LAMC1: variants seen among roughly 807,000 people sequenced by gnomAD.
LAMC1 encodes laminin subunit gamma 1, also known as laminin subunit gamma-1.
In LAMC1, 38 loss-of-function variants were observed where a neutral mutation model predicts 173.6. The ratio of observed to expected loss-of-function variants is 0.22; its 90% CI spans 0.17 to 0.29. The LOEUF (loss-of-function observed/expected upper bound fraction) is 0.29, where lower values mean the gene tolerates loss of function less well. Among genes scored for constraint, LAMC1 ranks in the 10% least tolerant of loss-of-function variants. LAMC1 has a pLI of 1.00. For synonymous variants in LAMC1, 746 were observed against 749.1 expected (o/e 1.00, Z 0.07); for missense variants, 1,824 against 2,051.8 (o/e 0.89, Z 2.14).
chr1:183,128,772 A>G, intron 18 of LAMC1, 22 bp downstream of exon 18: 2 of 1,569,068 alleles, frequency 1.3e-6, no homozygotes, highest in South Asian at 1.2e-5. Context: ...TGAACAGTGC[A>G]TGACTTCTGT....
chr1:183,023,777 C>G lies in LAMC1; in HGVS notation c.61C>G (p.Leu21Val). The G allele has an allele frequency of 1.4e-6, 2 of 1,456,050 alleles. No homozygotes were observed. The highest frequency in any genetic ancestry group is 2.6e-5 in the East Asian group (1 of 38,820). The allele number at this position is 1,456,050 out of a possible 1,614,324, so 90.2% of individuals were successfully genotyped here. A position where few individuals can be genotyped will look rare whatever the true frequency, so the allele number is the denominator to read the frequency against. The change falls in exon 1 of 28, where the codon CTG (leucine) becomes GTG (valine). Residue 21 changes from leucine (L) to valine (V), a missense_variant. Physicochemically the swap from Leu to Val is conservative, Grantham distance 32. Coordinates refer to ENST00000258341, the MANE Select transcript of LAMC1 (RefSeq NM_002293.4). Reference sequence around the variant, plus strand: ...GCCCCGGGGGCGGCTCTGGCCCGTGCTGGCCGTGCTGGCGGCGGCCGCCGC... The same window carrying G: ...GCCCCGGGGGCGGCTCTGGCCCGTGGTGGCCGTGCTGGCGGCGGCCGCCGC... The part of the protein sequence containing the change: ...LRPRGRLWPV[L>V]AVLAAAAAAG...
At chr1:183,099,118 TC>T (rs1655768442) in intron 1 of LAMC1, among the ~76,000 whole-genome samples, 2 of 152,084 alleles carry the variant, frequency 1.3e-5, no homozygotes, top group Admixed American at 1.3e-4. Flanking sequence ...AAAGGGAGTC[TC>T]GCTGTGTTGC....
chr1:183,074,886 A>T (rs1655088321), intron 1 of LAMC1, among the ~76,000 whole-genome samples: 1 of 152,118 alleles, frequency 6.6e-6, no homozygotes, highest in African/African-American at 2.4e-5. Context: ...TCTTCCATTT[A>T]TCTACCTTGG....
Position 183,134,735 on chromosome 1 carries a change from G to A in LAMC1, c.3925G>A (p.Asp1309Asn). The A allele has an allele frequency of 6.2e-7, 1 of 1,612,570 alleles. No homozygotes were observed. Among genetic ancestry groups the A allele is most frequent in the Non-Finnish European group, 8.5e-7 (1 of 1,178,656 alleles). The change falls in exon 23 of 28, where the codon GAC (aspartate) becomes AAC (asparagine). Residue 1309 changes from aspartate (D) to asparagine (N), a missense_variant. Transcript: ENST00000258341. ...TGACCAGAAATTAAAAGATTATGAGGACCTCAGAGAAGATATGAGAGGGAA... is the reference window on the plus strand; with the variant it reads ...TGACCAGAAATTAAAAGATTATGAGAACCTCAGAGAAGATATGAGAGGGAA... The part of the protein sequence containing the change: ...LIDQKLKDYE[D>N]LREDMRGKEL...
intron 1 of LAMC1, among the ~76,000 whole-genome samples, chr1:183,047,667 A>G (rs1049876408): frequency 6.6e-6 from 1 of 152,188 alleles, no homozygotes; most frequent in African/African-American, 2.4e-5. Context: ...GTAGTTCTCA[A>G]ATGAGTGTGG....
rs80265264 is a variant in LAMC1 at position 183,083,403 on chromosome 1, C to T, written c.419-19925C>T. The stretch of plus-strand genomic sequence containing the variant: ...AGAAACAGTAAGAATCACACCGGAA[C>T]GAGTTGCCAGCCAGCTGCCCATATA... On this transcript the variant is annotated intron_variant, in intron 1 of 27. Transcript: ENST00000258341. Among the ~76,000 whole-genome samples, 465 of 152,126 alleles carry T rather than the reference C, an allele frequency of 3.1e-3. 3 individuals are homozygous for T. Among genetic ancestry groups the T allele is most frequent in the Non-Finnish European group, 5.7e-3 (388 of 68,012 alleles).
chr1:183,120,448 C>T (rs1051470711), intron 11 of LAMC1, among the ~76,000 whole-genome samples: 1 of 152,118 alleles, frequency 6.6e-6, no homozygotes, highest in Non-Finnish European at 1.5e-5. Flanking sequence ...TGTAAACATA[C>T]TAAAAGTAGT....
intron 2 of LAMC1, 146 bp from the exon 3 acceptor site, chr1:183,108,130 A>C: frequency 1.5e-6 from 1 of 658,736 alleles, no homozygotes; most frequent in South Asian, 1.8e-5. Flanking sequence ...AAATTAAAGA[A>C]GTCATTGAGT....
chr1:183,093,576 C>T (rs1258083399), intron 1 of LAMC1, among the ~76,000 whole-genome samples: 1 of 152,144 alleles, frequency 6.6e-6, no homozygotes, highest in Non-Finnish European at 1.5e-5. Context: ...AATCCCATGG[C>T]TTTGAATACT....
chr1:183,036,505 C>T (rs982990393), intron 1 of LAMC1, among the ~76,000 whole-genome samples: 3 of 144,320 alleles, frequency 2.1e-5, no homozygotes, highest in Non-Finnish European at 4.5e-5. Flanking sequence ...TGGGTTCAAG[C>T]GATTCTCCTG....
At chr1:183,053,086 T>C (rs1654478291) in intron 1 of LAMC1, among the ~76,000 whole-genome samples, 1 of 152,216 alleles carries the variant, frequency 6.6e-6, no homozygotes, top group Non-Finnish European at 1.5e-5. Context: ...AGATCCGTCA[T>C]TCTGAATTTA....
intron 26 of LAMC1, among the ~76,000 whole-genome samples, chr1:183,139,919 A>G (rs1657058138): frequency 6.6e-6 from 1 of 152,090 alleles, no homozygotes; most frequent in Non-Finnish European, 1.5e-5. Flanking sequence ...ACAGAAGAGA[A>G]CTCCTAGAAG....
At chr1:183,118,448 C>G (rs1018741550) in intron 11 of LAMC1, among the ~76,000 whole-genome samples, 6 of 152,050 alleles carry the variant, frequency 3.9e-5, no homozygotes, top group Admixed American at 1.3e-4. Context: ...ATAGGCTAGG[C>G]GCAGTTGCTT....
intron 1 of LAMC1, among the ~76,000 whole-genome samples, chr1:183,099,864 G>C (rs1254193587): frequency 6.6e-6 from 1 of 152,058 alleles, no homozygotes; most frequent in Non-Finnish European, 1.5e-5. Flanking sequence ...AGGCATCCCA[G>C]AACTAGTGTA....
intron 1 of LAMC1, among the ~76,000 whole-genome samples, chr1:183,087,349 A>G (rs1655457287): frequency 6.6e-6 from 1 of 152,236 alleles, no homozygotes; most frequent in African/African-American, 2.4e-5. Flanking sequence ...CAACAAAAAC[A>G]TACCTCAAAA....
chr1:183,142,132 GT>G (rs1328884809), intron 27 of LAMC1, among the ~76,000 whole-genome samples: 1 of 152,138 alleles, frequency 6.6e-6, no homozygotes, highest in Non-Finnish European at 1.5e-5. Flanking sequence ...AGGGATTAGG[GT>G]TCTTAGAGAT....
chr1:183,096,592 T>C (rs1655699825), intron 1 of LAMC1: 1 of 152,222 alleles, frequency 6.6e-6, no homozygotes, highest in African/African-American at 2.4e-5. Flanking sequence ...CCTTTGTTCA[T>C]TCATTTGAAA....
chr1:183,034,641 C>T (rs1217835439), intron 1 of LAMC1, among the ~76,000 whole-genome samples: 1 of 152,078 alleles, frequency 6.6e-6, no homozygotes, highest in Non-Finnish European at 1.5e-5. Context: ...TGAAGTCAGC[C>T]CGGAAAAGCT....
chr1:183,077,115 G>C (rs1248441847), intron 1 of LAMC1, among the ~76,000 whole-genome samples: 1 of 152,190 alleles, frequency 6.6e-6, no homozygotes. Flanking sequence ...AGAGAAAACA[G>C]AAGAAAGGAC....
Sources: gnomAD v4.1 joint callset for allele counts (sites outside exome capture counted in the v4.1 genomes callset) on GRCh38, gnomAD v4.1.1 for gene constraint, MANE v1.5 for transcripts, NCBI Gene and HGNC (gene_info 2026-07-23, HGNC 2026-07-21) for gene names.